RAPGEF6: variants seen among roughly 807,000 people sequenced by gnomAD.
RAPGEF6 encodes the protein Rap guanine nucleotide exchange factor 6.
In RAPGEF6, 56 loss-of-function variants were observed where a neutral mutation model predicts 171.4. That is an observed-to-expected ratio of 0.33 (90% CI 0.26 to 0.41). The LOEUF (loss-of-function observed/expected upper bound fraction) is 0.41, where lower values mean the gene tolerates loss of function less well. Ranked by LOEUF, RAPGEF6 falls within the 10% of genes least tolerant of loss-of-function variation. The pLI, the probability that RAPGEF6 is intolerant of heterozygous loss-of-function variation, is 1.00. For missense variants in RAPGEF6, 1,674 were observed against 1,921.4 expected (o/e 0.87, Z 2.41); for synonymous variants, 692 against 650.1 (o/e 1.06, Z -0.98).
intron 4 of RAPGEF6, among the ~76,000 whole-genome samples, chr5:131,580,584 C>T (rs1015636423): frequency 7.9e-5 from 12 of 152,214 alleles, no homozygotes; most frequent in Non-Finnish European, 1.3e-4. Context: ...TCACCTCTCA[C>T]GGTGAATAGC....
chr5:131,541,310 G>C (rs1375013819), intron 6 of RAPGEF6, among the ~76,000 whole-genome samples: 1 of 152,120 alleles, frequency 6.6e-6, no homozygotes, highest in African/African-American at 2.4e-5. Context: ...GATAAAAGCA[G>C]CAAGTGGCAA....
chr5:131,497,764 C>G (rs1296786168), intron 12 of RAPGEF6, among the ~76,000 whole-genome samples: 2 of 152,136 alleles, frequency 1.3e-5, no homozygotes, highest in African/African-American at 4.8e-5. Flanking sequence ...TAAAATATAA[C>G]TCAAAAAGAC....
In RAPGEF6 at chr5:131,529,825, G is replaced by A. The variant is rs571291807; in HGVS notation, c.496-8304C>T. Among the ~76,000 whole-genome samples the A allele has an allele frequency of 9.2e-5, 14 of 151,526 alleles. No homozygotes were observed. The East Asian group carries it at 2.7e-3, about 30-fold the overall frequency. On this transcript the variant is annotated intron_variant, in intron 6 of 27. Transcript: ENST00000509018. ...GTGTGGGAGGATCCCTTGAGCCCAG[G>A]AGTTCAAGGCTGCAGTGAGCCATGA... is the stretch of plus-strand genomic sequence containing the variant.
chr5:131,584,723 GCTAA>G (rs1763147407), intron 4 of RAPGEF6, among the ~76,000 whole-genome samples: 1 of 152,112 alleles, frequency 6.6e-6, no homozygotes, highest in Non-Finnish European at 1.5e-5. Flanking sequence ...CAGACCTCCT[GCTAA>G]CCAGTCCTGT....
In RAPGEF6 at chr5:131,453,916, T is replaced by C. The variant is rs1326805095; in HGVS notation, c.3077-739A>G. On this transcript the variant is annotated intron_variant, in intron 20 of 27. Coordinates refer to ENST00000509018, the MANE Select transcript of RAPGEF6 (RefSeq NM_016340.6). ...ATATCTGAAGCCTGTAACATTTCCT[T>C]ATGAAAACTGAGTGATAATGAAAGA... 4.6e-5 allele frequency among the ~76,000 whole-genome samples: 7 copies of C among 152,208 alleles called. No individual in the cohort carries two copies. In the East Asian group the frequency reaches 7.7e-4, roughly 17 times the overall value.
chr5:131,590,076 C>T (rs1452930889), intron 4 of RAPGEF6, among the ~76,000 whole-genome samples: 1 of 152,134 alleles, frequency 6.6e-6, no homozygotes, highest in East Asian at 1.9e-4. Context: ...AGTAGCTAAT[C>T]CCTTGAACTA....
At chr5:131,546,282 T>C (rs1393943319) in intron 6 of RAPGEF6, among the ~76,000 whole-genome samples, 1 of 152,188 alleles carries the variant, frequency 6.6e-6, no homozygotes, top group East Asian at 1.9e-4. Flanking sequence ...AATGTGGGCA[T>C]ACATTGTACT....
chr5:131,466,228 GA>G (rs1387156792), intron 17 of RAPGEF6, among the ~76,000 whole-genome samples: 12 of 151,900 alleles, frequency 7.9e-5, no homozygotes, highest in African/African-American at 2.9e-4. Context: ...GTTGAAAGTA[GA>G]ATACTTCATC....
In RAPGEF6 at chr5:131,592,385, G is replaced by A; in HGVS notation, c.279C>T (p.Cys93=). Residue 93 remains cysteine, a splice_region_variant and synonymous_variant, in exon 4 of 28, where the codon TGC becomes TGT. Coordinates refer to ENST00000509018, the MANE Select transcript of RAPGEF6 (RefSeq NM_016340.6). ...CCATATAGCAAATGTAAACGTACCT[G>A]CAAGGAGGCAAGACCATGGAGCCTT... is the stretch of plus-strand genomic sequence containing the variant. The part of the protein sequence containing the change: ...LVKGSMVLPP[C]SFGKQFGGKR... 5.6e-6 allele frequency: 9 copies of A among 1,613,440 alleles called. No homozygotes were observed. The highest frequency in any genetic ancestry group is 7.6e-6 in the Non-Finnish European group (9 of 1,179,610).
intron 21 of RAPGEF6, among the ~76,000 whole-genome samples, chr5:131,449,633 C>A (rs1409568906): frequency 6.6e-6 from 1 of 152,156 alleles, no homozygotes; most frequent in Non-Finnish European, 1.5e-5. Context: ...GGCAACTCAA[C>A]CTTTCCCATC....
At chr5:131,460,385 C>T (rs1753832546) in intron 19 of RAPGEF6, among the ~76,000 whole-genome samples, 1 of 152,184 alleles carries the variant, frequency 6.6e-6, no homozygotes, top group Non-Finnish European at 1.5e-5. Context: ...TTTTAGACCT[C>T]TACCACTTTC....
rs756350572 is a variant in RAPGEF6 at position 131,604,716 on chromosome 5, T to A, written c.70-23A>T. On this transcript the variant is annotated intron_variant, in intron 1 of 27. Coordinates refer to ENST00000509018, the MANE Select transcript of RAPGEF6 (RefSeq NM_016340.6). ...GTCCTGTGGAACAGAAGAAAAAAAT[T>A]AGATTATTTTTCAAATATGCTGTTT... is the stretch of plus-strand genomic sequence containing the variant. 1.9e-6 allele frequency: 3 copies of A among 1,583,342 alleles called. No individual in the cohort carries two copies. The South Asian group carries it at 3.5e-5, about 18-fold the overall frequency.
chr5:131,605,201 T>G (rs190000677), intron 1 of RAPGEF6, among the ~76,000 whole-genome samples: 1 of 152,132 alleles, frequency 6.6e-6, no homozygotes, highest in East Asian at 1.9e-4. Flanking sequence ...GTGAAAGAGG[T>G]AGAACATCTT....
chr5:131,498,936 T>C (rs1014789546), intron 11 of RAPGEF6, among the ~76,000 whole-genome samples: 1 of 152,086 alleles, frequency 6.6e-6, no homozygotes, highest in Admixed American at 6.6e-5. Flanking sequence ...CCACTTCTCC[T>C]ACAACCAGGG....
chr5:131,557,016 C>T (rs1410503748), intron 5 of RAPGEF6, among the ~76,000 whole-genome samples: 1 of 152,120 alleles, frequency 6.6e-6, no homozygotes, highest in African/African-American at 2.4e-5. Context: ...AGTGCAGTGG[C>T]TATTCACAGA....
At chr5:131,546,812 T>C (rs1360714115) in intron 6 of RAPGEF6, among the ~76,000 whole-genome samples, 1 of 152,202 alleles carries the variant, frequency 6.6e-6, no homozygotes, top group Non-Finnish European at 1.5e-5. Flanking sequence ...AAGTTTTCAA[T>C]AGTTAGCAAA....
intron 1 of RAPGEF6, among the ~76,000 whole-genome samples, chr5:131,607,646 T>C (rs1580667861): frequency 6.6e-6 from 1 of 152,166 alleles, no homozygotes; most frequent in Non-Finnish European, 1.5e-5. Flanking sequence ...ATCATGCTGA[T>C]TGGACAGAAT....
At chr5:131,495,388 A>C (rs1173263864) in intron 13 of RAPGEF6, among the ~76,000 whole-genome samples, 165 bp downstream of exon 13, 1 of 152,056 alleles carries the variant, frequency 6.6e-6, no homozygotes, top group East Asian at 1.9e-4. Flanking sequence ...GTTTTAATTG[A>C]GGTGGCAGAG....
At chr5:131,471,259 G>T (rs946478414) in intron 17 of RAPGEF6, among the ~76,000 whole-genome samples, 10 of 152,184 alleles carry the variant, frequency 6.6e-5, no homozygotes, top group African/African-American at 2.4e-4. Flanking sequence ...TAGAGAGTGT[G>T]ATGTGCCAGA....
Sources: allele counts gnomAD v4.1 joint callset (sites outside exome capture counted in the v4.1 genomes callset), GRCh38; gene constraint gnomAD v4.1.1; transcripts MANE v1.5; gene names NCBI Gene and HGNC (gene_info 2026-07-23, HGNC 2026-07-21).